Variants in BLTP1 observed in about 807,000 individuals in gnomAD.
BLTP1 encodes the protein fragile site-associated protein.
the BLTP1 span, chr4:122,199,476 A>G: frequency 1.8e-4 from 278 of 1,543,656 alleles, no homozygotes; most frequent in Non-Finnish European, 1.6e-4. Flanking sequence ...ATGATGATAT[A>G]CATACTTGTA....
chr4:122,223,178 TTATTG>T, the BLTP1 span: 115 of 969,742 alleles, frequency 1.2e-4, no homozygotes, highest in Non-Finnish European at 1.4e-4. Flanking sequence ...TCTAGAGTGA[TTATTG>T]TAGTCACAAT....
the BLTP1 span, chr4:122,299,911 G>C: frequency 3.0e-6 from 3 of 985,192 alleles, no homozygotes; most frequent in Non-Finnish European, 3.6e-6. Context: ...GGATAGCTCA[G>C]AGAGGAAAGG....
At chr4:122,216,461 C>T in the BLTP1 span, among the ~76,000 whole-genome samples, 2 of 152,110 alleles carry the variant, frequency 1.3e-5, no homozygotes, top group African/African-American at 4.8e-5. Context: ...GCCATTCTTG[C>T]AGGAGTAAGG....
chr4:122,304,805 A>G, the BLTP1 span: 2 of 1,613,642 alleles, frequency 1.2e-6, no homozygotes, highest in Non-Finnish European at 1.7e-6. Context: ...TAGGGTATTC[A>G]AGTAACGGCC....
At chr4:122,220,048 T>C in the BLTP1 span, among the ~76,000 whole-genome samples, 4 of 152,220 alleles carry the variant, frequency 2.6e-5, no homozygotes, top group South Asian at 8.3e-4. Context: ...CTGGCTGACA[T>C]GGAATGATAT....
chr4:122,343,453 T>C, the BLTP1 span: 2 of 1,614,046 alleles, frequency 1.2e-6, no homozygotes, highest in Non-Finnish European at 1.7e-6. Context: ...GTCGACATAG[T>C]AGTAGTCAGT....
the BLTP1 span, chr4:122,307,896 G>T: frequency 4.4e-6 from 7 of 1,582,776 alleles, no homozygotes; most frequent in Non-Finnish European, 6.0e-6. Context: ...TTAACATATA[G>T]ATTTACAGTG....
chr4:122,307,422 A>G, the BLTP1 span: 11 of 970,202 alleles, frequency 1.1e-5, no homozygotes, highest in African/African-American at 1.8e-5. Flanking sequence ...TGGCCTCTCC[A>G]TCTTTATGTC....
the BLTP1 span, chr4:122,206,108 A>G: frequency 1.0e-6 from 1 of 962,176 alleles, no homozygotes; most frequent in Non-Finnish European, 1.2e-6. Flanking sequence ...TTAAACATAC[A>G]GTGAATTGGC....
chr4:122,336,702 G>A, the BLTP1 span: 7 of 935,722 alleles, frequency 7.5e-6, no homozygotes, highest in East Asian at 1.2e-4. Context: ...GAAAATTTGA[G>A]TTTGGGGGAA....
At chr4:122,256,157 A>G in the BLTP1 span, 1 of 985,054 alleles carries the variant, frequency 1.0e-6, no homozygotes, top group Non-Finnish European at 1.2e-6. Context: ...TCTTTAGTCA[A>G]ATTAGGGACC....
chr4:122,301,328 C>T, the BLTP1 span: 135 of 1,602,520 alleles, frequency 8.4e-5, no homozygotes, highest in African/African-American at 1.3e-3. Flanking sequence ...CTCTCTGGAA[C>T]GAACATGATG....
At chr4:122,310,576 C>T in the BLTP1 span, among the ~76,000 whole-genome samples, 1 of 152,048 alleles carries the variant, frequency 6.6e-6, no homozygotes. Context: ...GGGAAACTAA[C>T]CAAGGTCTGT....
At chr4:122,239,764 G>T in the BLTP1 span, 1 of 1,614,152 alleles carries the variant, frequency 6.2e-7, no homozygotes, top group Non-Finnish European at 8.5e-7. Flanking sequence ...CAGAGGAGAA[G>T]TTTTGGTTCA....
At chr4:122,200,585 A>AAAAAAAC in the BLTP1 span, 14 of 557,208 alleles carry the variant, frequency 2.5e-5, no homozygotes, top group Non-Finnish European at 3.2e-5. Context: ...TCTCAAAACA[A>AAAAAAAC]AAAAAAAAAA....
the BLTP1 span, chr4:122,209,311 A>G: frequency 1.2e-6 from 2 of 1,612,466 alleles, no homozygotes; most frequent in Non-Finnish European, 1.7e-6. Context: ...CAGTTAAACC[A>G]AAATGGCGCA....
chr4:122,233,475 T>C, the BLTP1 span, among the ~76,000 whole-genome samples: 1 of 152,214 alleles, frequency 6.6e-6, no homozygotes, highest in Non-Finnish European at 1.5e-5. Flanking sequence ...TCTACCAAGC[T>C]TTTGCTGTGG....
the BLTP1 span, chr4:122,194,821 C>T: frequency 2.9e-6 from 1 of 348,562 alleles, no homozygotes; most frequent in African/African-American, 2.2e-5. Flanking sequence ...TTGCTTTAAC[C>T]ACTCCTTTCA....
the BLTP1 span, among the ~76,000 whole-genome samples, chr4:122,262,272 A>G: frequency 2.6e-5 from 4 of 152,076 alleles, no homozygotes; most frequent in East Asian, 5.8e-4. Flanking sequence ...AAGCAGTGAT[A>G]TAAATATTTC....
Sources: gnomAD v4.1 joint callset for allele counts (sites outside exome capture counted in the v4.1 genomes callset) on GRCh38, gnomAD v4.1.1 for gene constraint, MANE v1.5 for transcripts, NCBI Gene and HGNC (gene_info 2026-07-23, HGNC 2026-07-21) for gene names.